Variants in ADGRA3 observed in about 807,000 individuals in gnomAD.
ADGRA3 encodes G-protein coupled receptor 125.
Under a neutral mutation model 119.8 loss-of-function variants are expected in ADGRA3, and 56 were observed. The ratio of observed to expected loss-of-function variants is 0.47; its 90% CI spans 0.38 to 0.58. The LOEUF (loss-of-function observed/expected upper bound fraction) is 0.58. Ranked by LOEUF, ADGRA3 falls within the 20% of genes least tolerant of loss-of-function variation. ADGRA3 has a pLI of 0.00. For synonymous variants in ADGRA3, 607 were observed against 623.8 expected, an observed-to-expected ratio of 0.97 and a Z score of 0.40; for missense variants, 1,516 against 1,649.0, an observed-to-expected ratio of 0.92 and a Z score of 1.40.
At chr4:22,478,643 GA>G (rs1247571242) in intron 1 of ADGRA3, among the ~76,000 whole-genome samples, 1 of 151,954 alleles carries the variant, frequency 6.6e-6, no homozygotes, top group Non-Finnish European at 1.5e-5. Flanking sequence ...ACCTTGTTTA[GA>G]AAAAAAGTGT....
At position 22,413,318 on chromosome 4, in the gene ADGRA3, G is replaced by A; in HGVS notation, c.2096C>T (p.Ala699Val). The change falls in exon 14 of 19, where the codon GCT becomes GTT. Residue 699 changes from alanine (A) to valine (V), a missense_variant. Physicochemically the swap from Ala to Val is moderately conservative, Grantham distance 64. This residue lies in a region of ADGRA3 where 1,088 missense variants were observed against 1,107.1 expected (regional missense o/e 0.98). Coordinates refer to ENST00000334304, the MANE Select transcript of ADGRA3 (RefSeq NM_145290.4). ...ATCGAAATCCCACCGGGCTGCAACA[G>A]CATCTGCTCCATGTGCAATTCGACG... The part of the protein sequence containing the change: ...TLRRIAHGAD[A>V]VAARWDFDLL... 9 of 1,614,074 alleles carry A rather than the reference G, an allele frequency of 5.6e-6. No homozygotes were observed. The highest frequency in any genetic ancestry group is 7.6e-6 in the Non-Finnish European group (9 of 1,179,972).
At chr4:22,419,412 A>C (rs775310865) in intron 12 of ADGRA3, among the ~76,000 whole-genome samples, 20 of 152,126 alleles carry the variant, frequency 1.3e-4, no homozygotes, top group Non-Finnish European at 2.8e-4. Flanking sequence ...TTCCTTTTTC[A>C]TTCAGTTTAA....
chr4:22,418,042 C>CCTCA (rs1344909903), intron 12 of ADGRA3, among the ~76,000 whole-genome samples: 2 of 152,118 alleles, frequency 1.3e-5, no homozygotes, highest in African/African-American at 4.8e-5. Flanking sequence ...TTTCCAAAGC[C>CCTCA]CTCAGTAAAA....
At chr4:22,486,214 A>G (rs6825602) in intron 1 of ADGRA3, among the ~76,000 whole-genome samples, 149,776 of 152,284 alleles carry the variant, frequency 0.98, 73,702 homozygotes, top group Middle Eastern at 1. Context: ...TTCTTCTATT[A>G]TTTTCAACAG....
At chr4:22,484,571 C>G (rs1718363620) in intron 1 of ADGRA3, among the ~76,000 whole-genome samples, 1 of 150,198 alleles carries the variant, frequency 6.7e-6, no homozygotes, top group Non-Finnish European at 1.5e-5. Flanking sequence ...CGCCACTGCA[C>G]TCTAGCCTAG....
At chr4:22,429,144 T>C (rs1052992286) in intron 10 of ADGRA3, among the ~76,000 whole-genome samples, 6 of 152,166 alleles carry the variant, frequency 3.9e-5, no homozygotes, top group Non-Finnish European at 8.8e-5. Flanking sequence ...ATAAATTTAG[T>C]TGTAATTGTG....
At position 22,394,390 on chromosome 4, in the gene ADGRA3, G is replaced by T. The variant is rs576307472; in HGVS notation, c.2482-1700C>A. 9 of 152,286 alleles carry T rather than the reference G, an allele frequency of 5.9e-5. No individual in the cohort carries two copies. In the South Asian group the frequency reaches 1.9e-3, roughly 32 times the overall value. The allele number at this position is 152,286 out of a possible 1,614,324, so 9.4% of individuals were successfully genotyped here. On this transcript the variant is annotated intron_variant, in intron 16 of 18. Transcript: ENST00000334304. The stretch of plus-strand genomic sequence containing the variant: ...TGGCCCAACTACAAACGTCAGAAAT[G>T]ATCGTCTTAAAAAGAAAAGTGGCTT...
intron 8 of ADGRA3, 119 bp from the exon 9 acceptor site, chr4:22,436,760 G>T: frequency 1.2e-6 from 1 of 806,158 alleles, no homozygotes; most frequent in Non-Finnish European, 2.0e-6. Context: ...ACCCTGACAC[G>T]GGTCATCAAA....
chr4:22,395,995 T>C (rs1382794542), intron 16 of ADGRA3, among the ~76,000 whole-genome samples: 1 of 152,150 alleles, frequency 6.6e-6, no homozygotes, highest in Admixed American at 6.6e-5. Context: ...AATTCAATCA[T>C]GGATTGGTGG....
intron 15 of ADGRA3, among the ~76,000 whole-genome samples, chr4:22,402,417 T>C (rs574293175): frequency 6.6e-6 from 1 of 152,244 alleles, no homozygotes; most frequent in South Asian, 2.1e-4. Flanking sequence ...CAGTGTCCAA[T>C]ACCTATTGCC....
At chr4:22,427,075 T>G (rs1024328727) in intron 10 of ADGRA3, among the ~76,000 whole-genome samples, 1 of 152,194 alleles carries the variant, frequency 6.6e-6, no homozygotes, top group African/African-American at 2.4e-5. Context: ...ATTTTGTCTA[T>G]TATTCTGACT....
chr4:22,498,946 G>A (rs1718951790), intron 1 of ADGRA3, among the ~76,000 whole-genome samples: 2 of 151,762 alleles, frequency 1.3e-5, no homozygotes. Flanking sequence ...AAAACACAGA[G>A]AATCAGTTAA....
intron 17 of ADGRA3, 57 bp from the exon 18 acceptor site, chr4:22,389,240 TC>T: frequency 9.4e-7 from 1 of 1,065,830 alleles, no homozygotes; most frequent in Non-Finnish European, 1.5e-6. Context: ...AACATGTATC[TC>T]TCATAATGTC....
At chr4:22,455,713 C>T in intron 3 of ADGRA3, 2 of 697,798 alleles carry the variant, frequency 2.9e-6, no homozygotes, top group South Asian at 3.7e-5. Flanking sequence ...GGACAATGAA[C>T]ACAATTTTAT....
At chr4:22,510,206 C>T (rs1199957049) in intron 1 of ADGRA3, among the ~76,000 whole-genome samples, 1 of 152,060 alleles carries the variant, frequency 6.6e-6, no homozygotes, top group Non-Finnish European at 1.5e-5. Context: ...AGAAGCCAAA[C>T]CCTTCATCTG....
chr4:22,390,534 C>T (rs931375589), intron 17 of ADGRA3, among the ~76,000 whole-genome samples: 18 of 151,500 alleles, frequency 1.2e-4, no homozygotes, highest in Admixed American at 7.9e-4. Context: ...CTTCTGCCAA[C>T]GCTGGTACCA....
At chr4:22,421,137 G>T (rs749452450) in intron 11 of ADGRA3, 48 bp from the exon 12 acceptor site, 227 of 1,504,192 alleles carry the variant, frequency 1.5e-4, no homozygotes, top group African/African-American at 1.4e-5. Flanking sequence ...ATAGCACAAA[G>T]GAAAAGCACT....
At chr4:22,473,937 A>G (rs1046123945) in intron 1 of ADGRA3, 94 bp from the exon 2 acceptor site, 5 of 684,600 alleles carry the variant, frequency 7.3e-6, no homozygotes, top group Non-Finnish European at 1.2e-5. Flanking sequence ...GAGAAATTCT[A>G]AGACATCATT....
At chr4:22,450,906 G>A (rs4697302) in intron 4 of ADGRA3, among the ~76,000 whole-genome samples, 145,322 of 147,592 alleles carry the variant, frequency 0.98, 71,591 homozygotes, top group East Asian at 1. Flanking sequence ...AAAGCTCTGT[G>A]TGTGTGTCTA....
Sources: gnomAD v4.1 joint callset for allele counts (sites outside exome capture counted in the v4.1 genomes callset) on GRCh38, gnomAD v4.1.1 for gene constraint, gnomAD v4.1.1 regional missense constraint, MANE v1.5 for transcripts, NCBI Gene and HGNC (gene_info 2026-07-23, HGNC 2026-07-21) for gene names.